RBM38: variants seen among roughly 807,000 people sequenced by gnomAD.
RBM38 encodes the protein RNA-binding protein 38.
Under a neutral mutation model 23.5 loss-of-function variants are expected in RBM38, and 11 were observed. That is an observed-to-expected ratio of 0.47 (90% confidence interval 0.29 to 0.77). The LOEUF is 0.77. RBM38 is among the 30% of genes least tolerant of loss of function. The probability of loss-of-function intolerance (pLI) is 0.08; values close to 1 mark genes in which losing one functional copy is unlikely to be tolerated. For synonymous variants in RBM38, 165 were observed against 166.1 expected (o/e 0.99, Z 0.05); for missense variants, 330 against 351.9 (o/e 0.94, Z 0.50).
chr20:57,401,700 T>C (rs1211227523), intron 3 of RBM38, among the ~76,000 whole-genome samples: 1 of 152,102 alleles, frequency 6.6e-6, no homozygotes, highest in Non-Finnish European at 1.5e-5. Context: ...AGCTTTGAGC[T>C]GTGGGAAGAA....
intron 3 of RBM38, among the ~76,000 whole-genome samples, chr20:57,402,555 C>G (rs2067339161): frequency 1.3e-5 from 2 of 152,212 alleles, no homozygotes; most frequent in South Asian, 4.1e-4. Context: ...AGGGGACACA[C>G]TTGGTGGGTG....
chr20:57,393,615 G>A (rs559254334), intron 3 of RBM38, among the ~76,000 whole-genome samples: 2 of 152,294 alleles, frequency 1.3e-5, no homozygotes, highest in East Asian at 3.9e-4. Context: ...AAATGGGAGT[G>A]GTCACAGCAC....
Position 57,407,193 on chromosome 20 carries a change from G to A in RBM38, c.417-350G>A, listed in dbSNP as rs983285451. Among the ~76,000 whole-genome samples, 11 of 152,138 alleles carry A rather than the reference G, an allele frequency of 7.2e-5. No homozygotes were observed. Among genetic ancestry groups the A allele is most frequent in the East Asian group, 1.9e-4 (1 of 5,192 alleles). On this transcript the variant is annotated intron_variant, in intron 3 of 3. Coordinates refer to ENST00000356208, the MANE Select transcript of RBM38 (RefSeq NM_017495.6). This position sits in a 1 kb window ranked among gnomAD's most constrained non-coding sequence, Gnocchi z 4.0. The stretch of plus-strand genomic sequence containing the variant: ...CCTGCTCTTGATCGCATGCTCCGCC[G>A]TCGTGGCTTCAAACTCTCAATCATT...
chr20:57,399,872 C>T (rs2067310207), intron 3 of RBM38: 1 of 456,302 alleles, frequency 2.2e-6, no homozygotes. Context: ...GGCAAGGCCC[C>T]TGGAGAGCAG....
chr20:57,403,248 C>G (rs971592144), intron 3 of RBM38, among the ~76,000 whole-genome samples: 2 of 152,214 alleles, frequency 1.3e-5, no homozygotes, highest in Non-Finnish European at 2.9e-5. Context: ...TAGGACCCAA[C>G]TTACAGATGA....
At chr20:57,393,899 A>AGC (rs1225924126) in intron 3 of RBM38, among the ~76,000 whole-genome samples, 1 of 152,072 alleles carries the variant, frequency 6.6e-6, no homozygotes. Flanking sequence ...ATTTACAAGC[A>AGC]GCGCAGCCCA....
intron 3 of RBM38, among the ~76,000 whole-genome samples, chr20:57,400,167 T>C (rs1007240554): frequency 1.3e-5 from 2 of 152,054 alleles, no homozygotes; most frequent in African/African-American, 4.8e-5. Flanking sequence ...AGGGGCTGAG[T>C]GATGGTCCAT....
At chr20:57,400,210 T>C (rs565364680) in intron 3 of RBM38, among the ~76,000 whole-genome samples, 2 of 152,178 alleles carry the variant, frequency 1.3e-5, no homozygotes, top group Non-Finnish European at 2.9e-5. Flanking sequence ...GGATCCGGGC[T>C]TGGGGCTCTT....
At chr20:57,397,054 A>G (rs1043518140) in intron 3 of RBM38, among the ~76,000 whole-genome samples, 1 of 152,154 alleles carries the variant, frequency 6.6e-6, no homozygotes, top group Non-Finnish European at 1.5e-5. Flanking sequence ...TACAGGCTGT[A>G]TCCAGGAGCA....
chr20:57,406,425 C>T (rs3764721), intron 3 of RBM38, among the ~76,000 whole-genome samples: 3,715 of 152,330 alleles, frequency 0.024, 138 homozygotes, highest in African/African-American at 0.08. Context: ...TGACTCCTGG[C>T]CCCTCCACCT....
chr20:57,395,402 G>A (rs1218155071), intron 3 of RBM38, among the ~76,000 whole-genome samples: 1 of 152,216 alleles, frequency 6.6e-6, no homozygotes, highest in Non-Finnish European at 1.5e-5. Context: ...CACCCATCCA[G>A]AAGCAGTTGG....
At chr20:57,400,695 C>T (rs146989226) in intron 3 of RBM38, among the ~76,000 whole-genome samples, 263 of 152,218 alleles carry the variant, frequency 1.7e-3, no homozygotes, top group African/African-American at 6.1e-3. Flanking sequence ...ACTTTGCACA[C>T]GTGGTGGGAT....
At chr20:57,406,135 C>G (rs926546405) in intron 3 of RBM38, among the ~76,000 whole-genome samples, 1 of 152,212 alleles carries the variant, frequency 6.6e-6, no homozygotes, top group Non-Finnish European at 1.5e-5. Flanking sequence ...AAGACCACTC[C>G]GTGCCTCGGA....
rs2067405028 is a variant in RBM38, at chr20:57,407,924, A to AC, written c.*79dup. 6.8e-7 allele frequency: 1 copy of AC among 1,468,184 alleles called. No individual in the cohort carries two copies. Among genetic ancestry groups the AC allele is most frequent in the East Asian group, 2.5e-5 (1 of 40,256 alleles). The allele number at this position is 1,468,184 out of a possible 1,614,324, so 90.9% of individuals were successfully genotyped here. ...GCTGCCAGGCCATGATGGGCTGGCG[A>AC]CAGCCCGGCTGAGCTTCAGTGAGGT... On this transcript the variant is annotated 3_prime_UTR_variant, in exon 4 of 4. Transcript: ENST00000356208. The surrounding 1 kb of genome is among the most constrained non-coding windows in gnomAD (Gnocchi z 4.0).
At chr20:57,392,915 G>A in intron 2 of RBM38, 138 bp downstream of exon 2, 1 of 1,182,266 alleles carries the variant, frequency 8.5e-7, no homozygotes, top group Non-Finnish European at 1.2e-6. Context: ...CCGGCACAGG[G>A]CAGCCATCCC....
At chr20:57,401,489 G>C (rs2067327634) in intron 3 of RBM38, among the ~76,000 whole-genome samples, 1 of 152,214 alleles carries the variant, frequency 6.6e-6, no homozygotes, top group African/African-American at 2.4e-5. Flanking sequence ...CCATTCCACG[G>C]GGGGGCTCTT....
chr20:57,392,965 C>T lies in RBM38; in HGVS notation c.361+188C>T, dbSNP rs992275068. The T allele has an allele frequency of 9.6e-6, 8 of 831,750 alleles. No individual in the cohort carries two copies. In the Admixed American group the frequency reaches 1.7e-4, roughly 18 times the overall value. The allele number at this position is 831,750 out of a possible 1,614,324, so 51.5% of individuals were successfully genotyped here. On this transcript the variant is annotated intron_variant, in intron 2 of 3. Coordinates refer to ENST00000356208, the MANE Select transcript of RBM38 (RefSeq NM_017495.6). ...AGACCCCTTCTCACAGCGTGTGGCC[C>T]AAAGAAGGGGGCGGGGGGCAGGGAG... is the stretch of plus-strand genomic sequence containing the variant.
intron 3 of RBM38, among the ~76,000 whole-genome samples, chr20:57,401,179 G>A (rs2067324602): frequency 6.6e-6 from 1 of 152,216 alleles, no homozygotes; most frequent in South Asian, 2.1e-4. Flanking sequence ...GTCCCTCCCA[G>A]CATTCCTCAG....
chr20:57,405,195 GC>G (rs2067369241), intron 3 of RBM38, among the ~76,000 whole-genome samples: 2 of 152,156 alleles, frequency 1.3e-5, no homozygotes, highest in Non-Finnish European at 1.5e-5. Context: ...CTTCCCCTGA[GC>G]CCCCCACTCT....
Sources: allele counts gnomAD v4.1 joint callset (sites outside exome capture counted in the v4.1 genomes callset), GRCh38; gene constraint gnomAD v4.1.1; non-coding constraint Gnocchi (gnomAD v3.1); transcripts MANE v1.5; gene names NCBI Gene and HGNC (gene_info 2026-07-23, HGNC 2026-07-21).